The following PCGF6 variants were observed in gnomAD, a reference collection of about 807,000 sequenced individuals.
The protein encoded by PCGF6 is polycomb group ring finger 6.
PCGF6 carries 24 observed loss-of-function variants against 45.5 expected under a neutral mutation model. The ratio of observed to expected loss-of-function variants is 0.53; its 90% CI spans 0.38 to 0.74. The LOEUF (loss-of-function observed/expected upper bound fraction) is 0.74. PCGF6 is among the 30% of genes least tolerant of loss of function. PCGF6 has a pLI of 0.00. For missense variants in PCGF6, 356 were observed against 443.2 expected (o/e 0.80, Z 1.77); for synonymous variants, 152 against 162.1 (o/e 0.94, Z 0.47).
chr10:103,345,467 G>A (rs12219982), intron 5 of PCGF6, among the ~76,000 whole-genome samples: 5 of 151,426 alleles, frequency 3.3e-5, no homozygotes, highest in Non-Finnish European at 7.4e-5. Context: ...CATCTCATTC[G>A]TCCTTACTAT....
chr10:103,333,300 T>C (rs2133582737), intron 7 of PCGF6, among the ~76,000 whole-genome samples: 1 of 152,178 alleles, frequency 6.6e-6, no homozygotes, highest in East Asian at 1.9e-4. Flanking sequence ...TAGGTATAAT[T>C]CACCTAACTT....
chr10:103,316,013 TAGAGAGAGAG>T (rs5787488), intron 8 of PCGF6, among the ~76,000 whole-genome samples: 6 of 119,528 alleles, frequency 5.0e-5, no homozygotes, highest in South Asian at 2.7e-4. Context: ...TATATATATA[TAGAGAGAGAG>T]AGAGAGAGAG....
chr10:103,312,631 G>C (rs959306669), intron 9 of PCGF6: 2 of 152,616 alleles, frequency 1.3e-5, no homozygotes, highest in African/African-American at 2.4e-5. Flanking sequence ...ATCTTCATTA[G>C]TACTTCATAA....
At chr10:103,344,503 C>T (rs1226019079) in intron 6 of PCGF6, among the ~76,000 whole-genome samples, 3 of 151,444 alleles carry the variant, frequency 2.0e-5, no homozygotes, top group African/African-American at 4.9e-5. Context: ...ATCCTGACCT[C>T]GTGATCCGCC....
chr10:103,334,015 A>G, intron 6 of PCGF6, 63 bp from the exon 7 acceptor site: 1 of 1,096,168 alleles, frequency 9.1e-7, no homozygotes, highest in Non-Finnish European at 1.3e-6. Context: ...TAATCATAAA[A>G]CAACATATAT....
At chr10:103,306,102 CTT>C (rs535887691) in intron 9 of PCGF6, among the ~76,000 whole-genome samples, 5 of 144,016 alleles carry the variant, frequency 3.5e-5, no homozygotes, top group African/African-American at 7.6e-5. Context: ...AGCAATCCAC[CTT>C]TTTTTTTTTT....
intron 3 of PCGF6, 148 bp from the exon 4 acceptor site, chr10:103,347,598 A>G (rs561966893): frequency 7.8e-6 from 5 of 642,808 alleles, no homozygotes; most frequent in Middle Eastern, 4.3e-4. Context: ...TTCCTAAAAT[A>G]TAACTCACTC....
intron 8 of PCGF6, among the ~76,000 whole-genome samples, chr10:103,325,092 G>A (rs1437572282): frequency 2.0e-5 from 3 of 147,620 alleles, no homozygotes; most frequent in Non-Finnish European, 4.5e-5. Flanking sequence ...CCGAGATCAC[G>A]CCATTGCACT....
chr10:103,333,106 A>G (rs1371194521), intron 7 of PCGF6, among the ~76,000 whole-genome samples: 1 of 146,956 alleles, frequency 6.8e-6, no homozygotes, highest in African/African-American at 2.5e-5. Flanking sequence ...GCAACAGAGG[A>G]AGACTCCATT....
intron 6 of PCGF6, among the ~76,000 whole-genome samples, chr10:103,336,899 T>C (rs2093259318): frequency 6.6e-6 from 1 of 152,068 alleles, no homozygotes; most frequent in African/African-American, 2.4e-5. Context: ...AATTACTTGC[T>C]TCCACTTAAT....
At chr10:103,334,377 A>G (rs1191179689) in intron 6 of PCGF6, among the ~76,000 whole-genome samples, 2 of 152,144 alleles carry the variant, frequency 1.3e-5, no homozygotes, top group Non-Finnish European at 2.9e-5. Context: ...TAGTGAGAAC[A>G]TTTAGGATCT....
In PCGF6 at chr10:103,347,305, A is replaced by G; in HGVS notation, c.614-8T>C. On this transcript the variant is annotated splice_polypyrimidine_tract_variant and splice_region_variant and intron_variant, in intron 4 of 9. Transcript: ENST00000369847. ...GCATTTGCTTTTTTTCTCCTAAAAA[A>G]TGATAAAACACAGACTAAATTACAC... is the stretch of plus-strand genomic sequence containing the variant. 1 of 1,602,382 alleles carries G rather than the reference A, an allele frequency of 6.2e-7. No homozygotes were observed. Among genetic ancestry groups the G allele is most frequent in the Non-Finnish European group, 8.6e-7 (1 of 1,169,514 alleles).
At chr10:103,324,488 G>A (rs2093209356) in intron 8 of PCGF6, among the ~76,000 whole-genome samples, 1 of 151,992 alleles carries the variant, frequency 6.6e-6, no homozygotes, top group Non-Finnish European at 1.5e-5. Flanking sequence ...GCTGGGCGCG[G>A]TGGCTTATGC....
At chr10:103,320,628 G>C (rs1472226319) in intron 8 of PCGF6, among the ~76,000 whole-genome samples, 1 of 151,990 alleles carries the variant, frequency 6.6e-6, no homozygotes, top group African/African-American at 2.4e-5. Context: ...CGGAGGTTGC[G>C]GTGAGCCGAC....
chr10:103,326,695 G>A, intron 7 of PCGF6, 63 bp from the exon 8 acceptor site: 2 of 1,192,720 alleles, frequency 1.7e-6, no homozygotes, highest in South Asian at 1.4e-5. Context: ...CATGACGTAT[G>A]TGTATATATA....
At chr10:103,324,486 C>T (rs1264245459) in intron 8 of PCGF6, among the ~76,000 whole-genome samples, 2 of 151,542 alleles carry the variant, frequency 1.3e-5, no homozygotes, top group Admixed American at 6.6e-5. Flanking sequence ...TGGCTGGGCG[C>T]GGTGGCTTAT....
intron 6 of PCGF6, among the ~76,000 whole-genome samples, chr10:103,340,039 T>C (rs900617980): frequency 4.2e-5 from 6 of 141,562 alleles, no homozygotes; most frequent in African/African-American, 1.3e-4. Context: ...AATTCAGGCA[T>C]GGTGGTATGC....
chr10:103,313,401 C>CT (rs917649733), intron 9 of PCGF6, among the ~76,000 whole-genome samples: 2 of 152,002 alleles, frequency 1.3e-5, no homozygotes, highest in African/African-American at 4.8e-5. Flanking sequence ...CCTGTTTTGA[C>CT]TAAAAATACA....
intron 8 of PCGF6, among the ~76,000 whole-genome samples, chr10:103,324,411 T>C (rs760267796): frequency 2.0e-5 from 3 of 151,900 alleles, no homozygotes; most frequent in Non-Finnish European, 4.4e-5. Flanking sequence ...TGAGTATATT[T>C]TACTTTTATG....
Sources: allele counts gnomAD v4.1 joint callset (sites outside exome capture counted in the v4.1 genomes callset), GRCh38; gene constraint gnomAD v4.1.1; transcripts MANE v1.5; gene names NCBI Gene and HGNC (gene_info 2026-07-23, HGNC 2026-07-21).